The following EDA variants were observed in gnomAD, a reference collection of about 807,000 sequenced individuals.
EDA encodes the protein ectodysplasin A, also known as ectodysplasin-A.
Under a neutral mutation model 23.6 loss-of-function variants are expected in EDA, and 2 were observed. The observed-to-expected ratio is 0.08, with a 90% confidence interval of 0.03 to 0.27. EDA has a LOEUF of 0.27. Among genes scored for constraint, EDA ranks in the 10% least tolerant of loss-of-function variants. EDA has a pLI of 1.00. For missense variants in EDA, 229 were observed against 324.2 expected, an observed-to-expected ratio of 0.71 and a Z score of 2.26; for synonymous variants, 131 against 132.0, an observed-to-expected ratio of 0.99 and a Z score of 0.05.
chrX:70,029,622 C>T, intron 5 of EDA, 84 bp downstream of exon 5: 1 of 1,011,198 alleles, frequency 9.9e-7, no homozygotes, highest in Non-Finnish European at 1.4e-6. Flanking sequence ...TATTAGATTT[C>T]CTGAGGCTTT....
rs748932344 is a variant in EDA at position 69,626,869 on chromosome X, G to GT, written c.396+10173dup. ...ATGTGAATTATATCTATATAAAGTA[G>GT]TTTTTTTTAAGTGTCTGGCACATAG... On this transcript the variant is annotated intron_variant, in intron 1 of 7. Coordinates refer to ENST00000374552, the MANE Select transcript of EDA (RefSeq NM_001399.5). Among the ~76,000 whole-genome samples, 21 of 111,538 alleles carry GT rather than the reference G, an allele frequency of 1.9e-4. No individual in the cohort carries two copies. In the East Asian group the frequency reaches 5.9e-3, roughly 31 times the overall value.
intron 1 of EDA, among the ~76,000 whole-genome samples, chrX:69,811,008 T>C (rs2015943825): frequency 8.9e-6 from 1 of 111,761 alleles, no homozygotes; most frequent in Non-Finnish European, 1.9e-5. Context: ...CAGAATCTGT[T>C]TGGATGGCAT....
chrX:69,863,663 A>G (rs2017436348), intron 1 of EDA, among the ~76,000 whole-genome samples: 1 of 101,605 alleles, frequency 9.8e-6, no homozygotes. Context: ...ACACATATAC[A>G]TATGTATATG....
At chrX:69,950,788 G>A (rs74918553) in intron 1 of EDA, among the ~76,000 whole-genome samples, 24,864 of 85,909 alleles carry the variant, frequency 0.29, 3,629 homozygotes, top group Middle Eastern at 0.51. Context: ...CATGTCCTTT[G>A]TAGGGACATG....
intron 1 of EDA, among the ~76,000 whole-genome samples, chrX:69,708,687 T>C (rs2011839584): frequency 9.0e-6 from 1 of 111,481 alleles, no homozygotes; most frequent in Admixed American, 9.6e-5. Flanking sequence ...ACAAAACCTG[T>C]ATCTGGCTAG....
intron 1 of EDA, chrX:69,749,724 C>T (rs758308527): frequency 9.0e-6 from 1 of 111,148 alleles, no homozygotes; most frequent in Admixed American, 9.6e-5. Context: ...TGATAAAGAC[C>T]TTTTGAGGCC....
intron 1 of EDA, among the ~76,000 whole-genome samples, chrX:69,712,792 CAA>C (rs911416261): frequency 9.0e-6 from 1 of 111,093 alleles, no homozygotes; most frequent in African/African-American, 3.3e-5. Context: ...TTCACAATAG[CAA>C]AGACTTGGAA....
At chrX:69,807,070 T>C (rs1016728117) in intron 1 of EDA, among the ~76,000 whole-genome samples, 2 of 110,982 alleles carry the variant, frequency 1.8e-5, no homozygotes, top group African/African-American at 6.6e-5. Context: ...TCTAGTTATA[T>C]ACCATCCACA....
intron 3 of EDA, among the ~76,000 whole-genome samples, chrX:70,023,460 C>T (rs1213078924): frequency 9.6e-6 from 1 of 103,818 alleles, no homozygotes; most frequent in Admixed American, 1.1e-4. Flanking sequence ...TGTTCTTCTC[C>T]CTGCCCTTCT....
chrX:70,030,956 T>C (rs2147513436), intron 6 of EDA, among the ~76,000 whole-genome samples: 1 of 112,817 alleles, frequency 8.9e-6, no homozygotes, highest in East Asian at 2.8e-4. Context: ...TGTTAGAATC[T>C]CCAGGGAATT....
chrX:69,762,442 T>C (rs2014336442), intron 1 of EDA, among the ~76,000 whole-genome samples: 1 of 111,874 alleles, frequency 8.9e-6, no homozygotes, highest in Admixed American at 9.5e-5. Context: ...CATAAAGATT[T>C]ATTGACTATC....
At chrX:69,999,031 C>G (rs1441382420) in intron 2 of EDA, among the ~76,000 whole-genome samples, 2 of 112,003 alleles carry the variant, frequency 1.8e-5, no homozygotes, top group African/African-American at 6.5e-5. Context: ...TCCTTCCTGT[C>G]TCCTCCTTCT....
intron 1 of EDA, among the ~76,000 whole-genome samples, chrX:69,753,459 T>C (rs2013974029): frequency 8.9e-6 from 1 of 112,114 alleles, no homozygotes; most frequent in African/African-American, 3.2e-5. Flanking sequence ...TTATAATTTC[T>C]GTTCTTTTAC....
intron 1 of EDA, among the ~76,000 whole-genome samples, chrX:69,731,604 G>A (rs1340551747): frequency 1.8e-5 from 2 of 110,635 alleles, no homozygotes; most frequent in African/African-American, 6.6e-5. Context: ...ACTATGCATA[G>A]CTAATTTTTG....
rs2016546475 is a variant in EDA at position 69,829,264 on chromosome X, C to CT, written c.397-127763_397-127762insT. Among the ~76,000 whole-genome samples, 5 of 111,841 alleles carry CT rather than the reference C, an allele frequency of 4.5e-5. No individual in the cohort carries two copies. In the Admixed American group the frequency reaches 4.8e-4, roughly 11 times the overall value. On this transcript the variant is annotated intron_variant, in intron 1 of 7. Transcript: ENST00000374552. The stretch of plus-strand genomic sequence containing the variant: ...GTTAAATGGATAAAGACCCTCACAC[C>CT]ACATTTAGGGTTTTTTTTATGGTAA...
rs1341265588 is a variant in EDA, at chrX:69,925,998, G to A, written c.397-31029G>A. ...GGTAGTTTGTATTTCTGTGGGGTCA[G>A]TGGTGATATCCCCATTATTATTTTT... On this transcript the variant is annotated intron_variant, in intron 1 of 7. Transcript: ENST00000374552. Among the ~76,000 whole-genome samples, 3 of 110,792 alleles carry A rather than the reference G, an allele frequency of 2.7e-5. No individual in the cohort carries two copies. The Admixed American group carries it at 2.9e-4, about 11-fold the overall frequency.
intron 1 of EDA, among the ~76,000 whole-genome samples, chrX:69,880,800 T>A (rs1447847480): frequency 8.9e-6 from 1 of 112,214 alleles, no homozygotes; most frequent in Non-Finnish European, 1.9e-5. Context: ...ACATACAGAT[T>A]GTAATCTTTC....
chrX:69,770,573 G>A lies in EDA; in HGVS notation c.396+153869G>A, dbSNP rs1453613528. ...TCTTCAAATCTCCCATTTTCTAATG[G>A]GATTTTTTTTAACTGTTGAGTTTTG... is the stretch of plus-strand genomic sequence containing the variant. On this transcript the variant is annotated intron_variant, in intron 1 of 7. Transcript: ENST00000374552. Among the ~76,000 whole-genome samples, 10 of 111,279 alleles carry A rather than the reference G, an allele frequency of 9.0e-5. 1 individual carries two copies. Among genetic ancestry groups the A allele is most frequent in the Non-Finnish European group, 1.3e-4 (7 of 52,988 alleles).
chrX:70,006,693 T>C (rs1198501543), intron 2 of EDA, among the ~76,000 whole-genome samples: 1 of 112,111 alleles, frequency 8.9e-6, no homozygotes, highest in Non-Finnish European at 1.9e-5. Flanking sequence ...GATACATGTT[T>C]TACAAATATT....
Sources: gnomAD v4.1 joint callset for allele counts (sites outside exome capture counted in the v4.1 genomes callset) on GRCh38, gnomAD v4.1.1 for gene constraint, MANE v1.5 for transcripts, NCBI Gene and HGNC (gene_info 2026-07-23, HGNC 2026-07-21) for gene names.